The following DMD variants were observed in gnomAD, a reference collection of about 807,000 sequenced individuals.
DMD encodes mutant dystrophin.
Under a neutral mutation model 330.1 loss-of-function variants are expected in DMD, and 63 were observed. That is an observed-to-expected ratio of 0.19 (90% CI 0.16 to 0.24). DMD has a LOEUF of 0.24. Among genes scored for constraint, DMD ranks in the 10% least tolerant of loss-of-function variants. The pLI is 1.00. For synonymous variants in DMD, 1,223 were observed against 959.8 expected (o/e 1.27, Z -5.07); for missense variants, 3,344 against 2,684.1 (o/e 1.25, Z -5.43).
intron 44 of DMD, among the ~76,000 whole-genome samples, chrX:32,021,357 AG>A (rs1295343018): frequency 8.9e-6 from 1 of 112,110 alleles, no homozygotes; most frequent in Non-Finnish European, 1.9e-5. Context: ...ATACAAATAC[AG>A]GTGTTGAACA....
In DMD at chrX:32,763,890, T is replaced by C. The variant is rs2072638360; in HGVS notation, c.649+45603A>G. On this transcript the variant is annotated intron_variant, in intron 7 of 78. Coordinates refer to ENST00000357033, the MANE Select transcript of DMD (RefSeq NM_004006.3). ...ACTGTGTGCAAATAAAAAACGTTTG[T>C]TGATTATCTGTTAAAAAAGACCCCA... is the stretch of plus-strand genomic sequence containing the variant. Among the ~76,000 whole-genome samples the C allele has an allele frequency of 2.7e-5, 3 of 111,569 alleles. No homozygotes were observed. In the South Asian group the frequency reaches 1.1e-3, roughly 42 times the overall value.
intron 9 of DMD, among the ~76,000 whole-genome samples, chrX:32,680,255 T>C (rs2062305859): frequency 9.0e-6 from 1 of 111,308 alleles, no homozygotes; most frequent in African/African-American, 3.3e-5. Context: ...ATATTGATTA[T>C]GACCATGACA....
At chrX:33,005,275 A>AACAC (rs376666672) in intron 2 of DMD, among the ~76,000 whole-genome samples, 43 of 102,646 alleles carry the variant, frequency 4.2e-4, no homozygotes, top group South Asian at 1.7e-3. Flanking sequence ...CACACACACA[A>AACAC]ACACACACAC....
chrX:32,869,772 T>C (rs1304112859), intron 2 of DMD, among the ~76,000 whole-genome samples: 2 of 109,882 alleles, frequency 1.8e-5, no homozygotes, highest in Non-Finnish European at 3.8e-5. Flanking sequence ...GTTAAAAACC[T>C]TCAGTAGATT....
At position 32,376,250 on chromosome X, in the gene DMD, C is replaced by T. The variant is rs934540442; in HGVS notation, c.4845+4260G>A. On this transcript the variant is annotated intron_variant, in intron 34 of 78. Transcript: ENST00000357033. ...AGATCGGGCCATTGCACTCCAGGAT[C>T]GGTGACAAGAGCAAGACTCCATCTC... Among the ~76,000 whole-genome samples the T allele has an allele frequency of 3.6e-5, 4 of 111,609 alleles. No homozygotes were observed. The South Asian group carries it at 1.1e-3, about 31-fold the overall frequency.
chrX:32,144,058 CTTTA>C (rs2096767090), intron 44 of DMD, among the ~76,000 whole-genome samples: 1 of 111,777 alleles, frequency 8.9e-6, no homozygotes, highest in African/African-American at 3.3e-5. Context: ...GCTTTTATTT[CTTTA>C]TTAAGATAAA....
intron 60 of DMD, among the ~76,000 whole-genome samples, chrX:31,373,028 A>G (rs1461863519): frequency 9.0e-6 from 1 of 111,041 alleles, no homozygotes; most frequent in East Asian, 2.8e-4. Context: ...ATACACCAAT[A>G]ACAGACAGAG....
chrX:31,520,526 T>G (rs1422847741), intron 55 of DMD, among the ~76,000 whole-genome samples: 1 of 111,610 alleles, frequency 9.0e-6, no homozygotes, highest in African/African-American at 3.3e-5. Context: ...AAGTTCTTTA[T>G]AGCAGTGTGA....
chrX:33,215,011 T>C (rs1319319970), upstream of DMD, among the ~76,000 whole-genome samples: 2 of 111,895 alleles, frequency 1.8e-5, no homozygotes, highest in African/African-American at 6.5e-5. Context: ...GTTATATGCT[T>C]GTTGGCCGCT....
intron 4 of DMD, among the ~76,000 whole-genome samples, chrX:32,844,348 G>A (rs1317804590): frequency 3.8e-5 from 4 of 105,861 alleles, no homozygotes; most frequent in African/African-American, 1.4e-4. Context: ...AGAGTTTGCA[G>A]TGAGCCGAGA....
At chrX:31,226,971 G>T (rs1434865626) in intron 63 of DMD, among the ~76,000 whole-genome samples, 5 of 111,949 alleles carry the variant, frequency 4.5e-5, no homozygotes, top group Non-Finnish European at 7.5e-5. Context: ...TTATGCAAAA[G>T]TATTGAGTGT....
At chrX:32,802,602 G>T (rs2076659141) in intron 7 of DMD, among the ~76,000 whole-genome samples, 1 of 111,526 alleles carries the variant, frequency 9.0e-6, no homozygotes, top group African/African-American at 3.3e-5. Context: ...GTATGATATT[G>T]GCTGTGGGTA....
At chrX:32,652,738 A>T (rs2060257055) in intron 9 of DMD, among the ~76,000 whole-genome samples, 1 of 111,176 alleles carries the variant, frequency 9.0e-6, no homozygotes, top group Non-Finnish European at 1.9e-5. Context: ...GGAATTGCAC[A>T]CTCTCTTCCA....
At chrX:32,961,797 A>C (rs998012628) in intron 2 of DMD, among the ~76,000 whole-genome samples, 2 of 111,499 alleles carry the variant, frequency 1.8e-5, no homozygotes, top group African/African-American at 6.5e-5. Context: ...CAGCTGTTAA[A>C]GCTCGTCTCG....
chrX:32,612,496 T>G (rs1191568867), intron 12 of DMD, among the ~76,000 whole-genome samples: 1 of 111,647 alleles, frequency 9.0e-6, no homozygotes, highest in East Asian at 2.8e-4. Context: ...TAGTATATTT[T>G]ATGTGTGGCC....
At chrX:32,139,954 C>T (rs1474196716) in intron 44 of DMD, among the ~76,000 whole-genome samples, 2 of 112,138 alleles carry the variant, frequency 1.8e-5, no homozygotes, top group African/African-American at 3.2e-5. Flanking sequence ...AACATAGTTG[C>T]TATATCAACA....
At chrX:31,685,065 T>C (rs1260144311) in intron 52 of DMD, among the ~76,000 whole-genome samples, 6 of 111,878 alleles carry the variant, frequency 5.4e-5, no homozygotes, top group Middle Eastern at 4.2e-3. Context: ...CTAGGGTATC[T>C]AGATAAATAC....
intron 25 of DMD, among the ~76,000 whole-genome samples, chrX:32,460,763 A>T (rs2098380529): frequency 9.0e-6 from 1 of 111,452 alleles, no homozygotes; most frequent in African/African-American, 3.3e-5. Flanking sequence ...TCTACTGACT[A>T]CCCAATAGAA....
chrX:31,729,763 A>G lies in DMD; in HGVS notation c.7543-15T>C, dbSNP rs1261569690. 3.5e-6 allele frequency: 4 copies of G among 1,146,708 alleles called. No individual in the cohort carries two copies. In the Admixed American group the frequency reaches 8.7e-5, roughly 25 times the overall value. 94.5% of individuals were successfully genotyped at this position (1,146,708 alleles called of 1,213,427 possible). On this transcript the variant is annotated splice_polypyrimidine_tract_variant and intron_variant, in intron 51 of 78. Coordinates refer to ENST00000357033, the MANE Select transcript of DMD (RefSeq NM_004006.3). ...TGCATTGTTGCCTGTAAGAACAAAT[A>G]TCCCTTAGTATCAGGGTTCTTCAGC...
Sources: allele counts gnomAD v4.1 joint callset (sites outside exome capture counted in the v4.1 genomes callset), GRCh38; gene constraint gnomAD v4.1.1; transcripts MANE v1.5; gene names NCBI Gene and HGNC (gene_info 2026-07-23, HGNC 2026-07-21).